Variants in RGPD2 observed in about 807,000 individuals in gnomAD.
RGPD2 encodes the protein RANBP2 like and GRIP domain containing 2.
In RGPD2, 2 loss-of-function variants were observed where a neutral mutation model predicts 36.0. The observed-to-expected ratio is 0.06, with a 90% confidence interval of 0.02 to 0.17. The LOEUF (loss-of-function observed/expected upper bound fraction) is 0.17, where lower values mean the gene tolerates loss of function less well. Among genes scored for constraint, RGPD2 ranks in the 10% least tolerant of loss-of-function variants. RGPD2 has a pLI of 1.00. For synonymous variants in RGPD2, 19 were observed against 163.8 expected, an observed-to-expected ratio of 0.12 and a Z score of 6.75; for missense variants, 40 against 464.3, an observed-to-expected ratio of 0.09 and a Z score of 8.40.
chr2:87,878,618 A>G, the RGPD2 span, among the ~76,000 whole-genome samples: 5 of 152,216 alleles, frequency 3.3e-5, no homozygotes, highest in African/African-American at 4.8e-5. Flanking sequence ...GTATTTTGAG[A>G]TATACAATAC....
the RGPD2 span, among the ~76,000 whole-genome samples, chr2:87,896,936 G>T: frequency 6.6e-6 from 1 of 151,098 alleles, no homozygotes; most frequent in Non-Finnish European, 1.5e-5. Context: ...TGAGTCGAAA[G>T]CCACTTAAGA....
At chr2:87,923,433 C>T in the RGPD2 span, among the ~76,000 whole-genome samples, 2 of 152,250 alleles carry the variant, frequency 1.3e-5, no homozygotes, top group Non-Finnish European at 2.9e-5. Context: ...CTATCGGCCT[C>T]CTATCATATT....
rs866356968 is a variant in RGPD2, at chr2:87,825,511, A to C, written c.72+147T>G. 1.4e-3 allele frequency: 157 copies of C among 112,410 alleles called. 10 individuals carry two copies. In the East Asian group the frequency reaches 0.028, roughly 20 times the overall value. 7.0% of individuals were successfully genotyped at this position (112,410 alleles called of 1,614,324 possible). On this transcript the variant is annotated intron_variant, in intron 1 of 22. Transcript: ENST00000398146. ...CGCCGCCCGGCCGAGGCCGAGGCCG[A>C]GGCCGCCGCCCGGCCGAGGCCGAGG...
At chr2:87,846,155 G>GT in the RGPD2 span, among the ~76,000 whole-genome samples, 2 of 151,206 alleles carry the variant, frequency 1.3e-5, no homozygotes, top group African/African-American at 2.4e-5. Flanking sequence ...TATATGTGGT[G>GT]TTTTTTTGGG....
At chr2:87,964,483 T>A in the RGPD2 span, among the ~76,000 whole-genome samples, 1 of 152,148 alleles carries the variant, frequency 6.6e-6, no homozygotes, top group Non-Finnish European at 1.5e-5. Flanking sequence ...AGATACTATG[T>A]TTTTGACAAA....
the RGPD2 span, among the ~76,000 whole-genome samples, chr2:87,921,326 G>C: frequency 1.3e-5 from 2 of 152,148 alleles, no homozygotes; most frequent in Admixed American, 6.5e-5. Context: ...TCTAGAGCCG[G>C]TCCCTGGACA....
chr2:87,883,002 T>C, the RGPD2 span, among the ~76,000 whole-genome samples: 1 of 152,016 alleles, frequency 6.6e-6, no homozygotes, highest in Non-Finnish European at 1.5e-5. Flanking sequence ...TAGGATTTTC[T>C]ATATGTACAT....
the RGPD2 span, among the ~76,000 whole-genome samples, chr2:87,922,791 T>C: frequency 6.6e-6 from 1 of 151,774 alleles, no homozygotes; most frequent in Non-Finnish European, 1.5e-5. Flanking sequence ...ACTCTAAGAG[T>C]CAGTAAGAGC....
chr2:87,769,591 C>T (rs1298473959), intron 22 of RGPD2, among the ~76,000 whole-genome samples: 47 of 151,510 alleles, frequency 3.1e-4, no homozygotes, highest in African/African-American at 9.9e-4. Flanking sequence ...GCCACCTGGA[C>T]GTTAGCAACG....
the RGPD2 span, among the ~76,000 whole-genome samples, chr2:87,914,205 G>A: frequency 7.7e-6 from 1 of 129,988 alleles, no homozygotes; most frequent in Non-Finnish European, 1.6e-5. Context: ...TCATCTATAA[G>A]AATAAATATA....
the RGPD2 span, among the ~76,000 whole-genome samples, chr2:87,975,019 C>T: frequency 6.6e-6 from 1 of 152,106 alleles, no homozygotes; most frequent in African/African-American, 2.4e-5. Flanking sequence ...TTACAAGGCC[C>T]TATACAATTG....
At chr2:87,883,133 C>T in the RGPD2 span, among the ~76,000 whole-genome samples, 36 of 152,064 alleles carry the variant, frequency 2.4e-4, no homozygotes, top group African/African-American at 8.7e-4. Flanking sequence ...TGTTAAGAGG[C>T]ACATATTATA....
chr2:87,973,206 C>T, the RGPD2 span: 13 of 1,607,414 alleles, frequency 8.1e-6, no homozygotes, highest in East Asian at 2.7e-4. Flanking sequence ...TTTCCTCCCA[C>T]CAGAGTGCCC....
chr2:87,791,321 T>C (rs1460613850), intron 17 of RGPD2, among the ~76,000 whole-genome samples: 1 of 152,306 alleles, frequency 6.6e-6, no homozygotes, highest in Non-Finnish European at 1.5e-5. Context: ...AAAACCAGCC[T>C]GGCCAACATG....
chr2:87,857,348 A>G, the RGPD2 span, among the ~76,000 whole-genome samples: 1 of 151,942 alleles, frequency 6.6e-6, no homozygotes, highest in Non-Finnish European at 1.5e-5. Flanking sequence ...ATATTTGTAT[A>G]CTTTTTTTTT....
chr2:87,857,073 A>C, the RGPD2 span, among the ~76,000 whole-genome samples: 2 of 152,276 alleles, frequency 1.3e-5, no homozygotes, highest in African/African-American at 4.8e-5. Flanking sequence ...GAACTAAATG[A>C]ATTACAAATC....
the RGPD2 span, among the ~76,000 whole-genome samples, chr2:87,842,078 C>A: frequency 1.3e-5 from 2 of 151,824 alleles, no homozygotes; most frequent in Admixed American, 1.3e-4. Flanking sequence ...TAAGAGCTAT[C>A]TATGACAAAC....
chr2:87,825,310 C>T (rs1222776565), intron 1 of RGPD2, among the ~76,000 whole-genome samples: 4 of 151,568 alleles, frequency 2.6e-5, no homozygotes, highest in African/African-American at 9.7e-5. Flanking sequence ...AACCTGATCT[C>T]TTATACTAGT....
chr2:87,831,486 C>T, the RGPD2 span, among the ~76,000 whole-genome samples: 1 of 151,092 alleles, frequency 6.6e-6, no homozygotes, highest in Non-Finnish European at 1.5e-5. Flanking sequence ...CAAAGAGAAC[C>T]CCATGTATAT....
Sources: gnomAD v4.1 joint callset for allele counts (sites outside exome capture counted in the v4.1 genomes callset) on GRCh38, gnomAD v4.1.1 for gene constraint, MANE v1.5 for transcripts, NCBI Gene and HGNC (gene_info 2026-07-23, HGNC 2026-07-21) for gene names.